The following SYNPR variants were observed in gnomAD, a reference collection of about 807,000 sequenced individuals.
SYNPR encodes synaptoporin.
A neutral mutation model predicts 32.9 loss-of-function variants in SYNPR; 23 were observed. The ratio of observed to expected loss-of-function variants is 0.70; its 90% CI spans 0.50 to 0.99. The LOEUF (loss-of-function observed/expected upper bound fraction) is 0.99. Among genes scored for constraint, SYNPR ranks in the 50% least tolerant of loss-of-function variants. The pLI is 0.00. For missense variants in SYNPR, 318 were observed against 349.3 expected (o/e 0.91, Z 0.71); for synonymous variants, 146 against 135.9 (o/e 1.07, Z -0.52).
intron 1 of SYNPR, among the ~76,000 whole-genome samples, chr3:63,250,735 T>C (rs2086324404): frequency 6.6e-6 from 1 of 152,280 alleles, no homozygotes; most frequent in African/African-American, 2.4e-5. Context: ...AGTCAGAAAG[T>C]GACAGAGCCA....
chr3:63,424,660 C>T (rs756695016), intron 2 of SYNPR, among the ~76,000 whole-genome samples: 1 of 152,172 alleles, frequency 6.6e-6, no homozygotes, highest in Non-Finnish European at 1.5e-5. Context: ...AAACAAGCTT[C>T]GCTTTGCAAT....
chr3:63,521,309 T>A (rs1367192159), intron 3 of SYNPR, among the ~76,000 whole-genome samples: 4 of 152,198 alleles, frequency 2.6e-5, no homozygotes, highest in Non-Finnish European at 5.9e-5. Flanking sequence ...CCTCAGCAAG[T>A]GATCAAAAAA....
intron 2 of SYNPR, among the ~76,000 whole-genome samples, chr3:63,454,252 C>T (rs1232280486): frequency 6.6e-6 from 1 of 152,068 alleles, no homozygotes; most frequent in Non-Finnish European, 1.5e-5. Flanking sequence ...TTGAATTAAA[C>T]AGTAAATTTA....
chr3:63,524,393 C>T (rs768379321), intron 3 of SYNPR, among the ~76,000 whole-genome samples: 1 of 152,156 alleles, frequency 6.6e-6, no homozygotes, highest in Non-Finnish European at 1.5e-5. Flanking sequence ...CCCATATCCC[C>T]TGGTTCAGTG....
At chr3:63,605,520 G>A (rs535274719) in intron 4 of SYNPR, among the ~76,000 whole-genome samples, 1 of 152,292 alleles carries the variant, frequency 6.6e-6, no homozygotes, top group South Asian at 2.1e-4. Context: ...TATTTATTGA[G>A]CAGCTGCTAT....
At chr3:63,586,218 C>T (rs1484101822) in intron 4 of SYNPR, among the ~76,000 whole-genome samples, 2 of 151,746 alleles carry the variant, frequency 1.3e-5, no homozygotes. Context: ...ATAAGGAATG[C>T]TTGAAAAATA....
In SYNPR at chr3:63,350,961, C is replaced by A. The variant is rs35245523; in HGVS notation, c.84+72219C>A. Among the ~76,000 whole-genome samples the A allele has an allele frequency of 9.6e-3, 1,457 of 152,178 alleles. 17 individuals are homozygous for A. The highest frequency in any genetic ancestry group is 0.07 in the East Asian group (361 of 5,166). ...CTTGTTTTACCAATGAGGAATCTGACCCTCAGTTGGGTTCCATTTAGGTCA... is the reference window on the plus strand; with the variant it reads ...CTTGTTTTACCAATGAGGAATCTGAACCTCAGTTGGGTTCCATTTAGGTCA... On this transcript the variant is annotated intron_variant, in intron 2 of 5. Transcript: ENST00000478300.
intron 2 of SYNPR, among the ~76,000 whole-genome samples, chr3:63,379,719 G>A (rs2087941995): frequency 6.6e-6 from 1 of 151,462 alleles, no homozygotes; most frequent in Non-Finnish European, 1.5e-5. Context: ...CTAAGTTTTA[G>A]GGTACATGTG....
At chr3:63,396,393 A>G (rs1017913680) in intron 2 of SYNPR, among the ~76,000 whole-genome samples, 2 of 152,232 alleles carry the variant, frequency 1.3e-5, no homozygotes, top group Non-Finnish European at 2.9e-5. Flanking sequence ...GAGCAAGTCA[A>G]TATCCCATGT....
chr3:63,339,179 T>C (rs1560197327), intron 2 of SYNPR, among the ~76,000 whole-genome samples: 1 of 152,254 alleles, frequency 6.6e-6, no homozygotes, highest in Non-Finnish European at 1.5e-5. Context: ...TTTTGACATG[T>C]TGACATGTCA....
intron 3 of SYNPR, among the ~76,000 whole-genome samples, chr3:63,498,948 TAAAAAAAAAA>T: frequency 9.1e-6 from 1 of 109,690 alleles, no homozygotes; most frequent in East Asian, 2.9e-4. Flanking sequence ...ACCTCACCTC[TAAAAAAAAAA>T]AAAAAGAATA....
At position 63,493,815 on chromosome 3, in the gene SYNPR, CA is replaced by C. The variant is rs3083190; in HGVS notation, c.209+12881del. Among the ~76,000 whole-genome samples, 402 of 75,094 alleles carry C rather than the reference CA, an allele frequency of 5.4e-3. 1 individual carries two copies. Among genetic ancestry groups the C allele is most frequent in the African/African-American group, 0.016 (283 of 18,198 alleles). The allele number at this position is 75,094 out of a possible 152,430, so 49.3% of individuals were successfully genotyped here. ...TGGGTAACAGTGCAAGACTCTGTCT[CA>C]AAAAAAAAAAAAAAAAAAAAATGGA... On this transcript the variant is annotated intron_variant, in intron 3 of 5. Coordinates refer to ENST00000478300, the MANE Select transcript of SYNPR (RefSeq NM_001130003.2).
intron 3 of SYNPR, among the ~76,000 whole-genome samples, chr3:63,500,201 T>C (rs951909155): frequency 1.3e-4 from 20 of 152,268 alleles, no homozygotes; most frequent in Admixed American, 1.2e-3. Context: ...CTTTTGTAAT[T>C]GAAATGCACA....
At chr3:63,321,737 T>C (rs2087112784) in intron 2 of SYNPR, among the ~76,000 whole-genome samples, 1 of 152,104 alleles carries the variant, frequency 6.6e-6, no homozygotes, top group Non-Finnish European at 1.5e-5. Flanking sequence ...CTCATGTCTT[T>C]GCACAGAAGT....
intron 2 of SYNPR, among the ~76,000 whole-genome samples, chr3:63,260,088 A>G (rs537457747): frequency 5.8e-4 from 89 of 152,354 alleles, no homozygotes; most frequent in African/African-American, 1.6e-3. Flanking sequence ...AACAAATGGA[A>G]GAACATTCCA....
chr3:63,594,124 G>A lies in SYNPR; in HGVS notation c.409-15001G>A, dbSNP rs569874049. On this transcript the variant is annotated intron_variant, in intron 4 of 5. Coordinates refer to ENST00000478300, the MANE Select transcript of SYNPR (RefSeq NM_001130003.2). ...GAAAAACTAACAGCTACTTCGCAGG[G>A]TTGTGGTGAAGATGAAATGAGGTGG... 2.0e-5 allele frequency among the ~76,000 whole-genome samples: 3 copies of A among 152,170 alleles called. No homozygotes were observed. The South Asian group carries it at 6.2e-4, about 32-fold the overall frequency.
chr3:63,488,118 G>T (rs2106710471), intron 3 of SYNPR, among the ~76,000 whole-genome samples: 1 of 152,276 alleles, frequency 6.6e-6, no homozygotes, highest in Non-Finnish European at 1.5e-5. Context: ...CAAGAGCAGT[G>T]ATGAGAAACA....
At chr3:63,247,745 G>A (rs1174183170) in intron 1 of SYNPR, among the ~76,000 whole-genome samples, 3 of 152,040 alleles carry the variant, frequency 2.0e-5, no homozygotes, top group African/African-American at 7.2e-5. Flanking sequence ...GCCTCTTAAG[G>A]GAAAGGCATT....
At chr3:63,495,546 G>T (rs558021798) in intron 3 of SYNPR, among the ~76,000 whole-genome samples, 13 of 152,144 alleles carry the variant, frequency 8.5e-5, no homozygotes, top group African/African-American at 3.1e-4. Context: ...TATGAATTAT[G>T]CTCAACAATC....
Sources: allele counts gnomAD v4.1 joint callset (sites outside exome capture counted in the v4.1 genomes callset), GRCh38; gene constraint gnomAD v4.1.1; transcripts MANE v1.5; gene names NCBI Gene and HGNC (gene_info 2026-07-23, HGNC 2026-07-21).